SVEP1: variants seen among roughly 807,000 people sequenced by gnomAD.
SVEP1 encodes the protein sushi, von Willebrand factor type A, EGF and pentraxin domain-containing protein 1.
In SVEP1, 164 loss-of-function variants were observed where a neutral mutation model predicts 367.3. The ratio of observed to expected loss-of-function variants is 0.45; its 90% confidence interval spans 0.39 to 0.51. SVEP1 has a LOEUF of 0.51. Among genes scored for constraint, SVEP1 ranks in the 20% least tolerant of loss-of-function variants. The pLI is 0.00. For synonymous variants in SVEP1, 1,666 were observed against 1,611.6 expected, an observed-to-expected ratio of 1.03 and a Z score of -0.81; for missense variants, 4,117 against 4,425.3, an observed-to-expected ratio of 0.93 and a Z score of 1.98.
chr9:110,392,463 T>C (rs1188955371), intron 40 of SVEP1, among the ~76,000 whole-genome samples: 1 of 152,088 alleles, frequency 6.6e-6, no homozygotes, highest in Admixed American at 6.6e-5. Context: ...ATAGATGGGG[T>C]TGTTCACCCA....
Position 110,443,720 on chromosome 9 carries a change from G to C in SVEP1, c.4464C>G (p.Gly1488=), listed in dbSNP as rs372669453. ...DNTLLLTDYN[G]WVLYVNGREK... is the part of the protein sequence containing the mutation. The stretch of plus-strand genomic sequence containing the variant: ...CCCTGCCATTCACATAAAGAACCCA[G>C]CTGTAGAGAGAAAGATTCCAGGGAA... Residue 1488 remains glycine (G), a splice_region_variant and synonymous_variant, in exon 27 of 48, where the codon GGC becomes GGG. Coordinates refer to ENST00000374469, the MANE Select transcript of SVEP1 (RefSeq NM_153366.4). The C allele has an allele frequency of 5.9e-5, 93 of 1,582,968 alleles. No individual in the cohort carries two copies. Among genetic ancestry groups the C allele is most frequent in the Admixed American group, 1.2e-4 (7 of 56,440 alleles).
chr9:110,493,513 C>A (rs553408467), intron 8 of SVEP1, among the ~76,000 whole-genome samples: 2 of 152,126 alleles, frequency 1.3e-5, no homozygotes, highest in East Asian at 3.9e-4. Context: ...GGCAGGAGAT[C>A]ACTGGGTCAG....
intron 46 of SVEP1, among the ~76,000 whole-genome samples, chr9:110,374,157 C>T (rs1040515160): frequency 6.6e-6 from 1 of 152,164 alleles, no homozygotes; most frequent in African/African-American, 2.4e-5. Context: ...TCCTCCCACC[C>T]TCTACCCTCA....
intron 1 of SVEP1, among the ~76,000 whole-genome samples, chr9:110,552,956 A>G (rs1931306): frequency 0.1 from 15,842 of 152,218 alleles, 1,019 homozygotes; most frequent in East Asian, 0.31. Context: ...ATGGCAGTAG[A>G]TGACACCACA....
At chr9:110,462,721 GAGAC>G (rs1828876307) in intron 18 of SVEP1, among the ~76,000 whole-genome samples, 1 of 151,620 alleles carries the variant, frequency 6.6e-6, no homozygotes, top group Non-Finnish European at 1.5e-5. Context: ...TGTAGACAGA[GAGAC>G]AGAGAGAGAG....
chr9:110,391,271 CTTT>C (rs35309188), intron 40 of SVEP1, among the ~76,000 whole-genome samples: 38 of 125,214 alleles, frequency 3.0e-4, no homozygotes, highest in Non-Finnish European at 4.4e-4. Context: ...TACTTTTTGT[CTTT>C]TTTTTTTTTT....
chr9:110,553,019 G>A (rs912371625), intron 1 of SVEP1, among the ~76,000 whole-genome samples: 2 of 152,196 alleles, frequency 1.3e-5, no homozygotes, highest in African/African-American at 4.8e-5. Flanking sequence ...TCCATGGGAA[G>A]AGATCCTGGA....
chr9:110,406,231 C>A lies in SVEP1; in HGVS notation c.9369G>T (p.Gly3123=). The A allele has an allele frequency of 6.2e-7, 1 of 1,612,398 alleles. No homozygotes were observed. Among genetic ancestry groups the A allele is most frequent in the Admixed American group, 1.7e-5 (1 of 59,848 alleles). The change falls in exon 38 of 48, where the codon GGG becomes GGT. Residue 3123 remains glycine (G), a synonymous_variant. Coordinates refer to ENST00000374469, the MANE Select transcript of SVEP1 (RefSeq NM_153366.4). ...CTGCATTGGCGACAGACGGTGGGGA[C>A]CCACAGGACAAGGGCTCACAGACTG... The part of the protein sequence containing the change: ...PYPVCEPLSC[G]SPPSVANAVA...
chr9:110,507,889 T>C (rs2118765112), intron 5 of SVEP1, among the ~76,000 whole-genome samples: 1 of 152,316 alleles, frequency 6.6e-6, no homozygotes, highest in East Asian at 1.9e-4. Flanking sequence ...TGAGACAAAA[T>C]GGATTTATTA....
Position 110,404,468 on chromosome 9 carries a change from G to C in SVEP1, c.9525C>G (p.Ser3175=), listed in dbSNP as rs771087794. ...GGAGAGGACATTTTTTAGGACTGCAGGAGATTCTCTCAGGGAACCAGCGAC... is the reference window on the plus strand; with the variant it reads ...GGAGAGGACATTTTTTAGGACTGCACGAGATTCTCTCAGGGAACCAGCGAC... ...KDGRWFPERI[S]CSPKKCPLPE... The change falls in exon 39 of 48, where the codon TCC becomes TCG. Residue 3175 remains serine (S), a synonymous_variant. Transcript: ENST00000374469. The C allele has an allele frequency of 6.2e-7, 1 of 1,613,862 alleles. No individual in the cohort carries two copies. The highest frequency in any genetic ancestry group is 8.5e-7 in the Non-Finnish European group (1 of 1,179,898).
intron 18 of SVEP1, among the ~76,000 whole-genome samples, chr9:110,462,000 A>G (rs973221111): frequency 1.3e-4 from 20 of 152,150 alleles, no homozygotes; most frequent in African/African-American, 4.8e-4. Context: ...GGTAACTTAC[A>G]CACAGCTAAT....
chr9:110,408,934 G>C lies in SVEP1; in HGVS notation c.6666C>G (p.Ile2222Met). ...ACTGATACCTCACTTCACTCTCAAA[G>C]ATCCTGCCAGTTGTATGCTGTGCAA... ...NGFLEHTTGR[I>M]FESEVRYQCN... is the part of the protein sequence containing the mutation. Residue 2222 changes from isoleucine (I) to methionine (M), a missense_variant, in exon 38 of 48, where the codon ATC (isoleucine) becomes ATG (methionine). By Grantham distance (10) the Ile-to-Met change is conservative (BLOSUM62 1). Around this residue, in one of 4 missense-constraint regions of SVEP1, gnomAD observed 1,765 missense variants for 1,781.1 expected, o/e 0.99. Coordinates refer to ENST00000374469, the MANE Select transcript of SVEP1 (RefSeq NM_153366.4). The C allele has an allele frequency of 1.3e-6, 2 of 1,588,118 alleles. No homozygotes were observed. The highest frequency in any genetic ancestry group is 1.7e-6 in the Non-Finnish European group (2 of 1,167,352).
At chr9:110,536,994 G>C (rs1439028774) in intron 3 of SVEP1, among the ~76,000 whole-genome samples, 1 of 151,946 alleles carries the variant, frequency 6.6e-6, no homozygotes, top group Admixed American at 6.6e-5. Context: ...TGATTGCGAT[G>C]ATTGTGTAAC....
In SVEP1 at chr9:110,365,434, C is replaced by CT. The variant is rs1382216376; in HGVS notation, c.*1104dup. The CT allele has an allele frequency of 6.6e-6, 1 of 152,198 alleles. No homozygotes were observed. The highest frequency in any genetic ancestry group is 6.5e-5 in the Admixed American group (1 of 15,286). 9.4% of individuals were successfully genotyped at this position (152,198 alleles called of 1,614,324 possible). A position where few individuals can be genotyped will look rare whatever the true frequency, so the allele number is the denominator to read the frequency against. Reference sequence around the variant, plus strand: ...ATCCTTTCTGCATTCCTCCACAGTGCTACAACACACTCCAAGGCCTGTGTG... The same window carrying CT: ...ATCCTTTCTGCATTCCTCCACAGTGCTTACAACACACTCCAAGGCCTGTGTG... On this transcript the variant is annotated 3_prime_UTR_variant, in exon 48 of 48. Coordinates refer to ENST00000374469, the MANE Select transcript of SVEP1 (RefSeq NM_153366.4).
At chr9:110,372,663 G>A (rs1219705174) in intron 46 of SVEP1, among the ~76,000 whole-genome samples, 2 of 152,160 alleles carry the variant, frequency 1.3e-5, no homozygotes, top group Admixed American at 6.5e-5. Context: ...GGCAGGACTT[G>A]GGGGTTGAGT....
At chr9:110,467,935 C>T (rs1463373469) in intron 17 of SVEP1, among the ~76,000 whole-genome samples, 1 of 152,000 alleles carries the variant, frequency 6.6e-6, no homozygotes, top group Non-Finnish European at 1.5e-5. Context: ...CATATATTCC[C>T]CCCTCCCACC....
intron 46 of SVEP1, among the ~76,000 whole-genome samples, chr9:110,371,756 G>A (rs1273222966): frequency 6.6e-6 from 1 of 152,184 alleles, no homozygotes; most frequent in Non-Finnish European, 1.5e-5. Context: ...CTGTAACCAA[G>A]TAGCGTTGAT....
At chr9:110,459,145 A>G (rs760033988) in intron 18 of SVEP1, 32 bp from the exon 19 acceptor site, 1 of 1,600,926 alleles carries the variant, frequency 6.2e-7, no homozygotes, top group East Asian at 2.2e-5. Context: ...ATATGTGCAT[A>G]TAAAGTAACA....
chr9:110,494,371 T>C (rs546578994), intron 8 of SVEP1, among the ~76,000 whole-genome samples: 6 of 152,190 alleles, frequency 3.9e-5, no homozygotes, highest in Non-Finnish European at 7.3e-5. Context: ...GGATACAAGA[T>C]TCAAGCTTTT....
Sources: allele counts gnomAD v4.1 joint callset (sites outside exome capture counted in the v4.1 genomes callset), GRCh38; gene constraint gnomAD v4.1.1; regional missense constraint gnomAD v4.1.1; transcripts MANE v1.5; gene names NCBI Gene and HGNC (gene_info 2026-07-23, HGNC 2026-07-21).